C4orf50: variants seen among roughly 807,000 people sequenced by gnomAD.
C4orf50 encodes chromosome 4 open reading frame 50.
A neutral mutation model predicts 77.2 loss-of-function variants in C4orf50; 80 were observed. That is an observed-to-expected ratio of 1.04 (90% CI 0.87 to 1.25). The LOEUF (loss-of-function observed/expected upper bound fraction) is 1.25. C4orf50 is among the 50% of genes most tolerant of loss of function. C4orf50 has a pLI of 0.00. For missense variants in C4orf50, 1,257 were observed against 1,152.9 expected (o/e 1.09, Z -1.31); for synonymous variants, 532 against 465.3 (o/e 1.14, Z -1.84).
intron 29 of C4orf50, among the ~76,000 whole-genome samples, chr4:5,976,819 A>G (rs1319659335): frequency 6.6e-6 from 1 of 152,250 alleles, no homozygotes; most frequent in Non-Finnish European, 1.5e-5. Flanking sequence ...TTAGGCGCAG[A>G]TGAAAGCTGG....
rs189806047 is a variant in C4orf50 at position 5,989,833 on chromosome 4, G to A, written c.2213C>T (p.Ser738Phe). 6 of 1,467,596 alleles carry A rather than the reference G, an allele frequency of 4.1e-6. No homozygotes were observed. The East Asian group carries it at 1.5e-4, about 36-fold the overall frequency. 90.9% of individuals were successfully genotyped at this position (1,467,596 alleles called of 1,614,324 possible). Residue 738 changes from serine (S) to phenylalanine (F), a missense_variant, in exon 28 of 34, where the codon TCC (serine) becomes TTC (phenylalanine). Physicochemically the swap from Ser to Phe is radical, Grantham distance 155 (BLOSUM62 -2). Transcript: ENST00000531445. ...GGGGGCACCCCTGCACCCCAGACCGGATGCTTCTTGATGCGGCATCTCATC... is the reference window on the plus strand; with the variant it reads ...GGGGGCACCCCTGCACCCCAGACCGAATGCTTCTTGATGCGGCATCTCATC...
intron 7 of C4orf50, among the ~76,000 whole-genome samples, chr4:5,911,054 C>G (rs1021582808): frequency 3.3e-5 from 5 of 151,818 alleles, no homozygotes; most frequent in African/African-American, 1.2e-4. Flanking sequence ...TACAGGTGCC[C>G]GCCACCATGC....
chr4:5,916,689 G>T lies in C4orf50; in HGVS notation c.*2475-18501C>A, dbSNP rs1200956155. On this transcript the variant is annotated intron_variant, in intron 7 of 7. Coordinates refer to the C4orf50 transcript ENST00000324058. This position sits in a 1 kb window ranked among gnomAD's most constrained non-coding sequence, Gnocchi z 4.4. ...GTGAGGGAGCAGGGAGGTGAGACAG[G>T]GAGGGCAGAGAAGACAATATCCAGA... 6.6e-6 allele frequency among the ~76,000 whole-genome samples: 1 copy of T among 152,156 alleles called. No homozygotes were observed. Among genetic ancestry groups the T allele is most frequent in the African/African-American group, 2.4e-5 (1 of 41,418 alleles).
chr4:5,910,004 T>C (rs912794295), intron 7 of C4orf50, among the ~76,000 whole-genome samples: 1 of 152,198 alleles, frequency 6.6e-6, no homozygotes, highest in African/African-American at 2.4e-5. Flanking sequence ...TGTGGTTCCA[T>C]GTGAATTCTA....
rs561756174 is a variant in C4orf50, at chr4:5,989,211, G to C, written c.2835C>G (p.Thr945=). The change falls in exon 28 of 34, where the codon ACC becomes ACG. Residue 945 remains threonine (T), a synonymous_variant. Transcript: ENST00000531445. ...ACCTCTCTTGGTCTCCGTGAAGTTTGGTGTTGTCATGTAAAATCTGGCTTC... is the reference window on the plus strand; with the variant it reads ...ACCTCTCTTGGTCTCCGTGAAGTTTCGTGTTGTCATGTAAAATCTGGCTTC... 1.7e-5 allele frequency: 26 copies of C among 1,535,980 alleles called. No individual in the cohort carries two copies. The Middle Eastern group carries it at 6.7e-4, about 39-fold the overall frequency.
Position 5,908,325 on chromosome 4 carries a change from A to G in C4orf50, c.*2475-10137T>C, listed in dbSNP as rs1716644997. On this transcript the variant is annotated intron_variant, in intron 7 of 7. Coordinates refer to the C4orf50 transcript ENST00000324058. This position sits in a 1 kb window ranked among gnomAD's most constrained non-coding sequence, Gnocchi z 5.6. ...ATTTGAGAAAGCTGACTGAGACATT[A>G]TGACAGGGTACATGCAGGAAGCTCA... 6.6e-6 allele frequency among the ~76,000 whole-genome samples: 1 copy of G among 152,188 alleles called. No individual in the cohort carries two copies. Among genetic ancestry groups the G allele is most frequent in the South Asian group, 2.1e-4 (1 of 4,838 alleles).
At chr4:5,967,995 G>C (rs1310044953) in intron 31 of C4orf50, among the ~76,000 whole-genome samples, 1 of 152,214 alleles carries the variant, frequency 6.6e-6, no homozygotes. Flanking sequence ...AGCAACTGCT[G>C]GATCTTCGAG....
downstream of C4orf50, among the ~76,000 whole-genome samples, chr4:5,955,403 G>A (rs1000683902): frequency 3.9e-5 from 6 of 152,126 alleles, no homozygotes; most frequent in African/African-American, 1.2e-4. The surrounding 1 kb of genome is among the most constrained non-coding windows in gnomAD (Gnocchi z 5.1). Context: ...GGGAAAGGAC[G>A]AGGGGTGGTC....
intron 7 of C4orf50, among the ~76,000 whole-genome samples, chr4:5,923,906 C>T (rs556979071): frequency 1.3e-5 from 2 of 152,206 alleles, no homozygotes; most frequent in East Asian, 1.9e-4. Context: ...CAGCTGCCAG[C>T]GTCGCTAGAA....
chr4:5,976,030 G>T, intron 29 of C4orf50, 75 bp from the exon 8 acceptor site: 3 of 1,245,702 alleles, frequency 2.4e-6, no homozygotes, highest in East Asian at 2.3e-5. Context: ...AGGCAAGCTG[G>T]GCTCAGAACA....
Position 5,908,256 on chromosome 4 carries a change from G to A in C4orf50, c.*2475-10068C>T, listed in dbSNP as rs547564253. On this transcript the variant is annotated intron_variant, in intron 7 of 7. Coordinates refer to the C4orf50 transcript ENST00000324058. The surrounding 1 kb of genome is among the most constrained non-coding windows in gnomAD (Gnocchi z 5.6). The stretch of plus-strand genomic sequence containing the variant: ...ATGCCAGAACAGAAGGAAATGCTGG[G>A]TTACAAAGTAACAGTGTACTAAAGA... 6.6e-6 allele frequency among the ~76,000 whole-genome samples: 1 copy of A among 152,212 alleles called. No homozygotes were observed. The highest frequency in any genetic ancestry group is 2.4e-5 in the African/African-American group (1 of 41,536).
intron 7 of C4orf50, among the ~76,000 whole-genome samples, chr4:5,947,894 A>G (rs1055470771): frequency 6.6e-6 from 1 of 152,340 alleles, no homozygotes; most frequent in South Asian, 2.1e-4. Flanking sequence ...CCCAGCCCCC[A>G]GGGTCCCTGC....
chr4:5,990,866 C>A, intron 27 of C4orf50, 42 bp from the exon 6 acceptor site: 1 of 399,104 alleles, frequency 2.5e-6, no homozygotes, highest in Non-Finnish European at 4.4e-6. Flanking sequence ...ACAGCCCCTT[C>A]CTCCATTTAG....
chr4:5,909,103 T>C (rs1577874189), intron 7 of C4orf50, among the ~76,000 whole-genome samples: 1 of 152,214 alleles, frequency 6.6e-6, no homozygotes, highest in Admixed American at 6.5e-5. Context: ...CTACTACATG[T>C]CTTTCTCTGC....
intron 26 of C4orf50, 100 bp from the exon 5 acceptor site, chr4:5,993,030 A>AC (rs138600012): frequency 0.12 from 45,058 of 386,606 alleles, 2,573 homozygotes; most frequent in African/African-American, 0.18. Flanking sequence ...GTAAGATGGC[A>AC]CCCCCCCCAC....
intron 28 of C4orf50, among the ~76,000 whole-genome samples, chr4:5,984,612 G>C (rs58441384): frequency 0.082 from 12,410 of 152,154 alleles, 700 homozygotes; most frequent in Non-Finnish European, 0.11. Context: ...CAGAAGGTGG[G>C]ACATGGTAGA....
At chr4:5,950,886 A>G (rs140136478) in intron 7 of C4orf50, among the ~76,000 whole-genome samples, 31 of 152,286 alleles carry the variant, frequency 2.0e-4, no homozygotes, top group South Asian at 1.0e-3. Flanking sequence ...TGAATGAATG[A>G]ATGGATGGGT....
chr4:5,934,358 A>G (rs115513506), intron 7 of C4orf50, among the ~76,000 whole-genome samples: 3,548 of 152,230 alleles, frequency 0.023, 49 homozygotes, highest in South Asian at 0.035. Flanking sequence ...AAGCTTCCTC[A>G]TATTGGAAAA....
chr4:5,964,742 TG>T (rs1275549745), intron 33 of C4orf50, among the ~76,000 whole-genome samples: 1 of 126,926 alleles, frequency 7.9e-6, no homozygotes, highest in Non-Finnish European at 1.6e-5. Flanking sequence ...CACTCCAGCC[TG>T]GGTAACAGAG....
Sources: allele counts gnomAD v4.1 joint callset (sites outside exome capture counted in the v4.1 genomes callset), GRCh38; gene constraint gnomAD v4.1.1; non-coding constraint Gnocchi (gnomAD v3.1); transcripts MANE v1.5; gene names NCBI Gene and HGNC (gene_info 2026-07-23, HGNC 2026-07-21).